ACAD11: variants seen among roughly 807,000 people sequenced by gnomAD.
ACAD11 encodes acyl-CoA dehydrogenase family member 11, also known as acyl-Coenzyme A dehydrogenase family, member 11.
A neutral mutation model predicts 102.2 loss-of-function variants in ACAD11; 83 were observed. That is an observed-to-expected ratio of 0.81 (90% confidence interval 0.68 to 0.97). ACAD11 has a LOEUF of 0.97. Ranked by LOEUF, ACAD11 falls within the 50% of genes least tolerant of loss-of-function variation. The pLI, the probability that ACAD11 is intolerant of heterozygous loss-of-function variation, is 0.00. For missense variants in ACAD11, 901 were observed against 951.7 expected (o/e 0.95, Z 0.70); for synonymous variants, 324 against 319.8 (o/e 1.01, Z -0.14).
intron 9 of ACAD11, among the ~76,000 whole-genome samples, chr3:132,622,096 G>A (rs1939631627): frequency 6.6e-6 from 1 of 151,828 alleles, no homozygotes; most frequent in South Asian, 2.1e-4. Context: ...TGCTATTATA[G>A]TATCTCTGTA....
intron 8 of ACAD11, among the ~76,000 whole-genome samples, chr3:132,627,296 T>G (rs1253035419): frequency 6.6e-6 from 1 of 152,184 alleles, no homozygotes; most frequent in Non-Finnish European, 1.5e-5. Context: ...GAGCTTTCTT[T>G]TCGCTTAATA....
intron 17 of ACAD11, among the ~76,000 whole-genome samples, chr3:132,570,673 T>G (rs1375867357): frequency 6.6e-6 from 1 of 152,104 alleles, no homozygotes; most frequent in Non-Finnish European, 1.5e-5. Flanking sequence ...CCTTCCACCC[T>G]CTGGTAGGCT....
intron 9 of ACAD11, among the ~76,000 whole-genome samples, chr3:132,624,493 T>C (rs1267937919): frequency 6.7e-6 from 1 of 150,044 alleles, no homozygotes; most frequent in East Asian, 2.0e-4. Context: ...TAGTCCCAGC[T>C]ACTTGGGAGG....
rs186856978 is a variant in ACAD11, at chr3:132,637,775, C to T, written c.702+1717G>A. On this transcript the variant is annotated intron_variant, in intron 5 of 19. Coordinates refer to ENST00000264990, the MANE Select transcript of ACAD11 (RefSeq NM_032169.5). Reference sequence around the variant, plus strand: ...GTAAATAAGTAACAGAAAATAATTTCGTTTTGCCATATCCTGTAGTTTCCT... The same window carrying T: ...GTAAATAAGTAACAGAAAATAATTTTGTTTTGCCATATCCTGTAGTTTCCT... Among the ~76,000 whole-genome samples the T allele has an allele frequency of 1.9e-3, 296 of 152,204 alleles. 1 individual carries two copies. In the Middle Eastern group the frequency reaches 0.02, roughly 10 times the overall value.
intron 1 of ACAD11, among the ~76,000 whole-genome samples, chr3:132,648,135 T>C (rs1940784886): frequency 6.6e-6 from 1 of 152,162 alleles, no homozygotes; most frequent in Non-Finnish European, 1.5e-5. Context: ...TTATCTGTAG[T>C]AGCAGTCTTT....
intron 18 of ACAD11, among the ~76,000 whole-genome samples, chr3:132,560,462 G>GTGGC (rs1937022387): frequency 6.6e-6 from 1 of 152,100 alleles, no homozygotes; most frequent in Admixed American, 6.5e-5. Context: ...ATAGAGTGGA[G>GTGGC]TGGCTATTCC....
At chr3:132,600,869 T>C in intron 13 of ACAD11, 1 of 1,613,936 alleles carries the variant, frequency 6.2e-7, no homozygotes, top group Non-Finnish European at 8.5e-7. Flanking sequence ...CTGGATCATC[T>C]GTTTCTGTGT....
Position 132,639,652 on chromosome 3 carries a change from G to T in ACAD11, c.542C>A (p.Ser181Ter). The T allele has an allele frequency of 1.2e-6, 2 of 1,610,900 alleles. No homozygotes were observed. Among genetic ancestry groups the T allele is most frequent in the Non-Finnish European group, 1.7e-6 (2 of 1,178,848 alleles). ...IGAGYCKRQVSTWTKQYQAAA... is the reference protein window; with the variant it reads ...IGAGYCKRQV ...AGCTTGATATTGCTTTGTCCAGGTTGATACCTAAAGACATATAAATAAGAA... is the reference window on the plus strand; with the variant it reads ...AGCTTGATATTGCTTTGTCCAGGTTTATACCTAAAGACATATAAATAAGAA... The change falls in exon 5 of 20, where the codon TCA becomes TAA. Residue 181 changes from serine (S) to a stop codon, truncating the protein, a stop_gained. Transcript: ENST00000264990. LOFTEE classifies it high-confidence loss of function.
At chr3:132,583,800 G>C (rs567027886) in intron 13 of ACAD11, among the ~76,000 whole-genome samples, 1 of 151,956 alleles carries the variant, frequency 6.6e-6, no homozygotes, top group Admixed American at 6.6e-5. Flanking sequence ...CCTTCATTTC[G>C]TTATGTACCT....
At chr3:132,657,066 A>G (rs1370886883) in intron 1 of ACAD11, among the ~76,000 whole-genome samples, 1 of 152,154 alleles carries the variant, frequency 6.6e-6, no homozygotes, top group Non-Finnish European at 1.5e-5. Context: ...TGTTGTCTTT[A>G]AAATATTTTC....
chr3:132,639,772 T>A lies in ACAD11; in HGVS notation c.538-116A>T, dbSNP rs751118297. ...TTTACTCCTAAATACTTAAGACCCATGCTGGTGATACTCCTGTCATCCTAA... is the reference window on the plus strand; with the variant it reads ...TTTACTCCTAAATACTTAAGACCCAAGCTGGTGATACTCCTGTCATCCTAA... On this transcript the variant is annotated intron_variant, in intron 4 of 19. Coordinates refer to ENST00000264990, the MANE Select transcript of ACAD11 (RefSeq NM_032169.5). The A allele has an allele frequency of 3.3e-6, 3 of 906,148 alleles. No homozygotes were observed. The African/African-American group carries it at 5.1e-5, about 16-fold the overall frequency. The allele number at this position is 906,148 out of a possible 1,614,324, so 56.1% of individuals were successfully genotyped here. A position where few individuals can be genotyped will look rare whatever the true frequency, so the allele number is the denominator to read the frequency against.
At chr3:132,579,210 G>A (rs1302693001) in intron 14 of ACAD11, 1 of 712,872 alleles carries the variant, frequency 1.4e-6, no homozygotes, top group Non-Finnish European at 2.1e-6. Context: ...ACACAGGTCT[G>A]AAAAAATTTG....
intron 11 of ACAD11, among the ~76,000 whole-genome samples, chr3:132,613,369 A>G (rs943154864): frequency 5.9e-5 from 9 of 151,774 alleles, no homozygotes; most frequent in African/African-American, 2.2e-4. Context: ...TAAAACTTTA[A>G]GTATAATAAT....
At chr3:132,600,181 T>C (rs1938504519) in intron 13 of ACAD11, among the ~76,000 whole-genome samples, 1 of 152,182 alleles carries the variant, frequency 6.6e-6, no homozygotes, top group African/African-American at 2.4e-5. Context: ...TCACACAGAA[T>C]TGTACAAGCA....
intron 13 of ACAD11, among the ~76,000 whole-genome samples, chr3:132,589,740 G>A (rs1312292557): frequency 6.6e-6 from 1 of 152,006 alleles, no homozygotes; most frequent in East Asian, 1.9e-4. Flanking sequence ...AGGTTTGGGG[G>A]GTAAATGTGA....
chr3:132,572,165 C>A (rs1438811044), intron 17 of ACAD11, among the ~76,000 whole-genome samples: 1 of 152,130 alleles, frequency 6.6e-6, no homozygotes, highest in East Asian at 1.9e-4. Context: ...ATCTAGAAAA[C>A]CCCAGTCTCA....
chr3:132,630,393 A>G, intron 7 of ACAD11, 44 bp downstream of exon 7: 2 of 1,586,524 alleles, frequency 1.3e-6, no homozygotes, highest in Non-Finnish European at 1.7e-6. Flanking sequence ...TCAACAGTAC[A>G]CTGGTAAATA....
At chr3:132,615,403 T>C (rs1939364826) in intron 11 of ACAD11, among the ~76,000 whole-genome samples, 1 of 152,156 alleles carries the variant, frequency 6.6e-6, no homozygotes, top group African/African-American at 2.4e-5. Flanking sequence ...CTATTCACAA[T>C]AGCAAAGACT....
chr3:132,641,460 C>G (rs1576615759), intron 4 of ACAD11, among the ~76,000 whole-genome samples: 1 of 151,908 alleles, frequency 6.6e-6, no homozygotes, highest in East Asian at 1.9e-4. Flanking sequence ...AGGAGAATGG[C>G]GTGAACCTGG....
Sources: allele counts gnomAD v4.1 joint callset (sites outside exome capture counted in the v4.1 genomes callset), GRCh38; gene constraint gnomAD v4.1.1; transcripts MANE v1.5; gene names NCBI Gene and HGNC (gene_info 2026-07-23, HGNC 2026-07-21).